The following CNTNAP2 variants were observed in gnomAD, a reference collection of about 807,000 sequenced individuals.
The protein encoded by CNTNAP2 is contactin associated protein 2.
Under a neutral mutation model 155.2 loss-of-function variants are expected in CNTNAP2, and 98 were observed. That is an observed-to-expected ratio of 0.63 (90% CI 0.54 to 0.75). The LOEUF (loss-of-function observed/expected upper bound fraction) is 0.75, where lower values mean the gene tolerates loss of function less well. Ranked by LOEUF, CNTNAP2 falls within the 30% of genes least tolerant of loss-of-function variation. The pLI is 0.00. For missense variants in CNTNAP2, 1,727 were observed against 1,688.1 expected (o/e 1.02, Z -0.40); for synonymous variants, 651 against 631.2 (o/e 1.03, Z -0.47).
chr7:146,340,158 G>A (rs1426392752), intron 1 of CNTNAP2, among the ~76,000 whole-genome samples: 41 of 111,758 alleles, frequency 3.7e-4, no homozygotes, highest in African/African-American at 1.6e-3. Flanking sequence ...GATAGAGCGA[G>A]ACTCCGCCTC....
chr7:148,273,325 G>T (rs751771421), intron 21 of CNTNAP2, among the ~76,000 whole-genome samples: 1 of 152,128 alleles, frequency 6.6e-6, no homozygotes, highest in Non-Finnish European at 1.5e-5. Flanking sequence ...CAACTAGGGG[G>T]ATAACATTTA....
intron 1 of CNTNAP2, among the ~76,000 whole-genome samples, chr7:146,375,599 T>C (rs899112168): frequency 6.6e-6 from 1 of 152,224 alleles, no homozygotes; most frequent in Non-Finnish European, 1.5e-5. Context: ...AATTAGTTAT[T>C]ACTACAGTTT....
intron 13 of CNTNAP2, among the ~76,000 whole-genome samples, chr7:147,748,658 A>C (rs909025015): frequency 6.6e-6 from 1 of 152,164 alleles, no homozygotes; most frequent in Non-Finnish European, 1.5e-5. Flanking sequence ...TTGTGCAAAC[A>C]TGTTACCAGC....
intron 1 of CNTNAP2, among the ~76,000 whole-genome samples, chr7:146,182,213 A>T (rs1173979306): frequency 6.6e-6 from 1 of 152,142 alleles, no homozygotes; most frequent in Non-Finnish European, 1.5e-5. Context: ...CTTGTGTGAG[A>T]AAAAGATTCT....
chr7:147,588,536 C>G (rs536721332), intron 12 of CNTNAP2, among the ~76,000 whole-genome samples: 1 of 152,128 alleles, frequency 6.6e-6, no homozygotes, highest in African/African-American at 2.4e-5. Flanking sequence ...ACATATTTCC[C>G]TAGGTTTTAA....
chr7:147,750,217 C>G (rs1584936772), intron 13 of CNTNAP2, among the ~76,000 whole-genome samples: 2 of 152,080 alleles, frequency 1.3e-5, no homozygotes, highest in Non-Finnish European at 2.9e-5. Context: ...CATAGAAAAA[C>G]CTTACCAAGT....
intron 13 of CNTNAP2, among the ~76,000 whole-genome samples, chr7:147,732,495 A>T (rs971088244): frequency 6.6e-5 from 10 of 152,144 alleles, no homozygotes; most frequent in African/African-American, 2.4e-4. Context: ...CACAATAAAC[A>T]TACATGTGCA....
At chr7:147,175,725 C>T (rs1186696159) in intron 8 of CNTNAP2, among the ~76,000 whole-genome samples, 1 of 152,114 alleles carries the variant, frequency 6.6e-6, no homozygotes. Context: ...CTTGAGCTTC[C>T]TTGTGTGGGA....
At chr7:146,525,750 G>A (rs950106672) in intron 1 of CNTNAP2, among the ~76,000 whole-genome samples, 6 of 152,104 alleles carry the variant, frequency 3.9e-5, no homozygotes, top group South Asian at 2.1e-4. Context: ...ATGGGCTTGC[G>A]AATGAGCTGA....
At chr7:147,753,054 T>G (rs16883699) in intron 13 of CNTNAP2, among the ~76,000 whole-genome samples, 1,669 of 152,322 alleles carry the variant, frequency 0.011, 95 homozygotes, top group Admixed American at 0.087. Flanking sequence ...CTTATATACC[T>G]ATCTTGAAGC....
intron 1 of CNTNAP2, among the ~76,000 whole-genome samples, chr7:146,191,853 T>C (rs1798710642): frequency 6.6e-6 from 1 of 152,192 alleles, no homozygotes; most frequent in African/African-American, 2.4e-5. Flanking sequence ...TGCCCAGATT[T>C]CATATTGTTT....
At chr7:147,690,568 C>A (rs891678123) in intron 13 of CNTNAP2, among the ~76,000 whole-genome samples, 2 of 151,414 alleles carry the variant, frequency 1.3e-5, no homozygotes, top group South Asian at 2.1e-4. Context: ...CAAATAATTA[C>A]ACAAATAATT....
intron 10 of CNTNAP2, among the ~76,000 whole-genome samples, chr7:147,414,461 CAATAT>C (rs1182215468): frequency 1.1e-4 from 16 of 145,634 alleles, no homozygotes; most frequent in Admixed American, 6.8e-4. Flanking sequence ...AGGATGCCAA[CAATAT>C]AATATAACAA....
intron 1 of CNTNAP2, among the ~76,000 whole-genome samples, chr7:146,185,972 G>T (rs950910074): frequency 6.6e-6 from 1 of 151,916 alleles, no homozygotes; most frequent in Non-Finnish European, 1.5e-5. Flanking sequence ...TTTTATTTAT[G>T]TAATGTATCA....
At chr7:148,202,314 T>A (rs1385104933) in intron 18 of CNTNAP2, among the ~76,000 whole-genome samples, 1 of 152,192 alleles carries the variant, frequency 6.6e-6, no homozygotes, top group African/African-American at 2.4e-5. Context: ...GATAGTAGTA[T>A]GTGTGTGTAT....
At chr7:146,488,299 C>CCCTCCCTT (rs1797088214) in intron 1 of CNTNAP2, among the ~76,000 whole-genome samples, 1 of 122,766 alleles carries the variant, frequency 8.1e-6, no homozygotes, top group African/African-American at 3.5e-5. Flanking sequence ...CTCCCTCCCT[C>CCCTCCCTT]CCTTCCTCCC....
chr7:146,306,789 T>C (rs1424083737), intron 1 of CNTNAP2, among the ~76,000 whole-genome samples: 6 of 152,318 alleles, frequency 3.9e-5, no homozygotes, highest in African/African-American at 7.2e-5. Context: ...CATCCCTTCA[T>C]GCTAAAAGCT....
At chr7:147,796,092 T>C (rs1157760378) in intron 13 of CNTNAP2, among the ~76,000 whole-genome samples, 1 of 152,158 alleles carries the variant, frequency 6.6e-6, no homozygotes, top group East Asian at 1.9e-4. Context: ...GATTTGAGAA[T>C]AGAAGGAAAT....
chr7:146,492,181 G>T (rs1252588644), intron 1 of CNTNAP2, among the ~76,000 whole-genome samples: 3 of 149,736 alleles, frequency 2.0e-5, no homozygotes, highest in Non-Finnish European at 4.4e-5. Context: ...GGAAATGTTT[G>T]CTAAGACCAA....
Sources: allele counts gnomAD v4.1 joint callset (sites outside exome capture counted in the v4.1 genomes callset), GRCh38; gene constraint gnomAD v4.1.1; transcripts MANE v1.5; gene names NCBI Gene and HGNC (gene_info 2026-07-23, HGNC 2026-07-21).